The following KCTD8 variants were observed in gnomAD, a reference collection of about 807,000 sequenced individuals.
The protein encoded by KCTD8 is BTB/POZ domain-containing protein KCTD8.
Under a neutral mutation model 31.5 loss-of-function variants are expected in KCTD8, and 27 were observed. The ratio of observed to expected loss-of-function variants is 0.86; its 90% confidence interval spans 0.63 to 1.18. The LOEUF (loss-of-function observed/expected upper bound fraction) is 1.18. Ranked by LOEUF, KCTD8 falls within the 50% of genes most tolerant of loss-of-function variation. The pLI is 0.00. For missense variants in KCTD8, 658 were observed against 647.7 expected (o/e 1.02, Z -0.17); for synonymous variants, 290 against 280.0 (o/e 1.04, Z -0.36).
chr4:44,317,228 C>CTTGTTTTTTTTTTTTT (rs1718157062), intron 1 of KCTD8, among the ~76,000 whole-genome samples: 1 of 36,536 alleles, frequency 2.7e-5, no homozygotes, highest in Non-Finnish European at 4.7e-5. Context: ...TGGGTGCTTT[C>CTTGTTTTTTTTTTTTT]TTTTTTTTTT....
chr4:44,250,212 G>C (rs1432813047), intron 1 of KCTD8, among the ~76,000 whole-genome samples: 2 of 151,628 alleles, frequency 1.3e-5, no homozygotes, highest in East Asian at 3.9e-4. Context: ...TTTTACTGTT[G>C]CCAAATTGCT....
At chr4:44,441,499 C>A (rs1447621820) in intron 1 of KCTD8, among the ~76,000 whole-genome samples, 1 of 151,768 alleles carries the variant, frequency 6.6e-6, no homozygotes, top group Non-Finnish European at 1.5e-5. Context: ...CGTTTCAGAC[C>A]ACACTTTTTT....
intron 1 of KCTD8, among the ~76,000 whole-genome samples, chr4:44,409,699 G>GGA (rs1720903763): frequency 6.7e-6 from 1 of 148,740 alleles, no homozygotes; most frequent in African/African-American, 2.5e-5. Context: ...AGAATCTGCA[G>GGA]AAAAAAAAAG....
chr4:44,193,587 T>G (rs1028287195), intron 1 of KCTD8, among the ~76,000 whole-genome samples: 1 of 152,182 alleles, frequency 6.6e-6, no homozygotes, highest in Non-Finnish European at 1.5e-5. Context: ...AGTATTATCA[T>G]TTATTTAGAT....
intron 1 of KCTD8, among the ~76,000 whole-genome samples, chr4:44,241,515 C>T (rs1385443189): frequency 1.3e-5 from 2 of 152,162 alleles, no homozygotes; most frequent in Middle Eastern, 3.2e-3. Context: ...AGTTAAGCAG[C>T]TAAATAAATG....
intron 1 of KCTD8, among the ~76,000 whole-genome samples, chr4:44,181,198 C>T (rs1713374669): frequency 9.4e-6 from 1 of 106,304 alleles, no homozygotes; most frequent in Non-Finnish European, 2.0e-5. Flanking sequence ...CCCTCTCTTT[C>T]CACGGTCTCC....
chr4:44,187,060 A>G (rs1164386520), intron 1 of KCTD8, among the ~76,000 whole-genome samples: 1 of 152,218 alleles, frequency 6.6e-6, no homozygotes, highest in Non-Finnish European at 1.5e-5. Flanking sequence ...ACCATTTAGC[A>G]GTGAGTCATA....
At chr4:44,193,169 A>G (rs1404536322) in intron 1 of KCTD8, among the ~76,000 whole-genome samples, 5 of 152,228 alleles carry the variant, frequency 3.3e-5, no homozygotes, top group Non-Finnish European at 7.3e-5. Flanking sequence ...CTTAGTTTAT[A>G]TTTTAACAAG....
intron 1 of KCTD8, among the ~76,000 whole-genome samples, chr4:44,190,966 T>C (rs1320321088): frequency 1.3e-5 from 2 of 152,210 alleles, no homozygotes; most frequent in Non-Finnish European, 2.9e-5. Flanking sequence ...TTGAGTGATG[T>C]GCTGTTTGTA....
chr4:44,197,710 A>G (rs1377552327), intron 1 of KCTD8, among the ~76,000 whole-genome samples: 1 of 152,160 alleles, frequency 6.6e-6, no homozygotes, highest in Non-Finnish European at 1.5e-5. Context: ...GCCCTCTCAG[A>G]TGGGAAAAAA....
intron 1 of KCTD8, among the ~76,000 whole-genome samples, chr4:44,422,128 G>A (rs1013520247): frequency 4.6e-5 from 7 of 151,976 alleles, no homozygotes; most frequent in African/African-American, 1.4e-4. Flanking sequence ...TGAAGATTTT[G>A]GCCCTCTTAG....
At chr4:44,419,492 T>C (rs995718483) in intron 1 of KCTD8, among the ~76,000 whole-genome samples, 5 of 152,104 alleles carry the variant, frequency 3.3e-5, no homozygotes, top group Admixed American at 2.0e-4. Context: ...GAACCTTCTA[T>C]GGGGTACATG....
At chr4:44,335,165 C>T (rs550317706) in intron 1 of KCTD8, among the ~76,000 whole-genome samples, 1 of 151,950 alleles carries the variant, frequency 6.6e-6, no homozygotes, top group East Asian at 1.9e-4. Flanking sequence ...ATACTATGCA[C>T]CAGTATATTC....
intron 1 of KCTD8, among the ~76,000 whole-genome samples, chr4:44,224,433 G>A (rs1218456268): frequency 1.3e-5 from 2 of 151,944 alleles, no homozygotes; most frequent in African/African-American, 4.8e-5. Flanking sequence ...CTCTATCACT[G>A]GGCCCTTCAT....
intron 1 of KCTD8, among the ~76,000 whole-genome samples, chr4:44,289,232 T>G (rs1157994560): frequency 1.3e-5 from 2 of 151,214 alleles, no homozygotes; most frequent in East Asian, 3.9e-4. Context: ...ACATTACATA[T>G]TATTAAAATG....
At chr4:44,217,484 T>C (rs1577835847) in intron 1 of KCTD8, among the ~76,000 whole-genome samples, 1 of 152,276 alleles carries the variant, frequency 6.6e-6, no homozygotes, top group Middle Eastern at 3.4e-3. Flanking sequence ...TGGTTAAAAA[T>C]ATTAGGTGTC....
intron 1 of KCTD8, among the ~76,000 whole-genome samples, chr4:44,377,307 G>T (rs1719939650): frequency 6.6e-6 from 1 of 152,144 alleles, no homozygotes; most frequent in Non-Finnish European, 1.5e-5. Flanking sequence ...ACTGCAGCCT[G>T]CAAAACTAAG....
At chr4:44,299,344 G>T (rs780721143) in intron 1 of KCTD8, among the ~76,000 whole-genome samples, 1 of 152,100 alleles carries the variant, frequency 6.6e-6, no homozygotes, top group Non-Finnish European at 1.5e-5. Flanking sequence ...CTTCCATGTA[G>T]CAACATTCTA....
At chr4:44,359,196 G>C (rs1719434648) in intron 1 of KCTD8, among the ~76,000 whole-genome samples, 1 of 151,694 alleles carries the variant, frequency 6.6e-6, no homozygotes, top group Non-Finnish European at 1.5e-5. Context: ...TTTGTCTTTT[G>C]TTGCCATTGC....
Sources: allele counts gnomAD v4.1 joint callset (sites outside exome capture counted in the v4.1 genomes callset), GRCh38; gene constraint gnomAD v4.1.1; transcripts MANE v1.5; gene names NCBI Gene and HGNC (gene_info 2026-07-23, HGNC 2026-07-21).